The following PRKCA variants were observed in gnomAD, a reference collection of about 807,000 sequenced individuals.
The protein encoded by PRKCA is protein kinase C alpha, also known as protein kinase C alpha type.
In PRKCA, 27 loss-of-function variants were observed where a neutral mutation model predicts 87.0. That is an observed-to-expected ratio of 0.31 (90% CI 0.23 to 0.43). The LOEUF is 0.43. PRKCA is among the 20% of genes least tolerant of loss of function. PRKCA has a pLI of 1.00. For synonymous variants in PRKCA, 329 were observed against 311.1 expected (o/e 1.06, Z -0.61); for missense variants, 518 against 852.3 (o/e 0.61, Z 4.88).
chr17:66,343,704 A>T (rs1348386965), intron 2 of PRKCA, among the ~76,000 whole-genome samples: 1 of 152,028 alleles, frequency 6.6e-6, no homozygotes, highest in East Asian at 1.9e-4. Context: ...GGAAGATTAG[A>T]TATAAAGGGG....
intron 3 of PRKCA, among the ~76,000 whole-genome samples, chr17:66,541,367 G>A (rs1344605527): frequency 2.6e-5 from 4 of 152,126 alleles, no homozygotes; most frequent in Admixed American, 6.5e-5. Flanking sequence ...ACCTTTGCCC[G>A]AGCCAAGGGA....
chr17:66,504,090 C>T (rs903702956), intron 3 of PRKCA, among the ~76,000 whole-genome samples: 6 of 152,122 alleles, frequency 3.9e-5, no homozygotes, highest in African/African-American at 9.7e-5. Flanking sequence ...TGTTTTCTTA[C>T]GTATAAATAT....
chr17:66,805,098 C>T lies in PRKCA; in HGVS notation c.*1061C>T. On this transcript the variant is annotated 3_prime_UTR_variant, in exon 17 of 17. Transcript: ENST00000413366. ...TCAGCCTCTACCGATTGATTTTCCT[C>T]CCTTCTCTAGCCCTGGATGTCCACT... 1 of 984,034 alleles carries T rather than the reference C, an allele frequency of 1.0e-6. No homozygotes were observed. The highest frequency in any genetic ancestry group is 1.2e-6 in the Non-Finnish European group (1 of 828,656). 61.0% of individuals were successfully genotyped at this position (984,034 alleles called of 1,614,324 possible). A position where few individuals can be genotyped will look rare whatever the true frequency, so the allele number is the denominator to read the frequency against.
chr17:66,660,254 C>A (rs899549270), intron 5 of PRKCA, among the ~76,000 whole-genome samples: 4 of 152,160 alleles, frequency 2.6e-5, no homozygotes, highest in African/African-American at 9.7e-5. Flanking sequence ...GCCAGTGGGT[C>A]CGTTTGGTGG....
At chr17:66,635,034 C>A (rs1449216043) in intron 3 of PRKCA, among the ~76,000 whole-genome samples, 1 of 152,190 alleles carries the variant, frequency 6.6e-6, no homozygotes, top group Admixed American at 6.5e-5. Flanking sequence ...GTATTGACAT[C>A]TGGAGAGACT....
chr17:66,747,843 C>T (rs1974332242), intron 13 of PRKCA, among the ~76,000 whole-genome samples: 1 of 152,202 alleles, frequency 6.6e-6, no homozygotes, highest in South Asian at 2.1e-4. Context: ...ACACGCAAGC[C>T]CCTCCCCAGC....
At chr17:66,338,662 A>G (rs1488644973) in intron 2 of PRKCA, among the ~76,000 whole-genome samples, 1 of 152,144 alleles carries the variant, frequency 6.6e-6, no homozygotes, top group African/African-American at 2.4e-5. Context: ...CAAGTGAACC[A>G]AGATTCTGCA....
At chr17:66,305,095 A>G (rs1488689535) in intron 1 of PRKCA, among the ~76,000 whole-genome samples, 1 of 152,214 alleles carries the variant, frequency 6.6e-6, no homozygotes, top group African/African-American at 2.4e-5. Flanking sequence ...GGATCCCTGC[A>G]GCACTCTGCA....
At chr17:66,333,485 G>A (rs1179387413) in intron 2 of PRKCA, among the ~76,000 whole-genome samples, 1 of 152,162 alleles carries the variant, frequency 6.6e-6, no homozygotes, top group African/African-American at 2.4e-5. Flanking sequence ...TGAAGCACAT[G>A]TTTGTATGCT....
At chr17:66,522,788 T>G (rs1422586414) in intron 3 of PRKCA, among the ~76,000 whole-genome samples, 1 of 149,962 alleles carries the variant, frequency 6.7e-6, no homozygotes, top group Non-Finnish European at 1.5e-5. Flanking sequence ...GGCTGATGTG[T>G]AGTATGTGTG....
At chr17:66,554,552 CT>C in intron 3 of PRKCA, 1 of 965,410 alleles carries the variant, frequency 1.0e-6, no homozygotes, top group Non-Finnish European at 1.2e-6. Context: ...CTGCCTCTAC[CT>C]TTTGAGATCC....
intron 2 of PRKCA, among the ~76,000 whole-genome samples, chr17:66,370,048 G>A (rs1244292475): frequency 6.6e-6 from 1 of 152,036 alleles, no homozygotes; most frequent in Admixed American, 6.6e-5. Flanking sequence ...ATTAAGCTGG[G>A]ACAACAGTCA....
At chr17:66,560,399 T>C (rs1968641421) in intron 3 of PRKCA, among the ~76,000 whole-genome samples, 2 of 152,304 alleles carry the variant, frequency 1.3e-5, no homozygotes, top group African/African-American at 2.4e-5. Flanking sequence ...GTATTGCTGG[T>C]CAGGAAAGCA....
intron 3 of PRKCA, among the ~76,000 whole-genome samples, chr17:66,536,296 C>G (rs1421132546): frequency 6.6e-6 from 1 of 152,184 alleles, no homozygotes; most frequent in African/African-American, 2.4e-5. Context: ...CTGAACTTTA[C>G]TCTGTCCGGT....
At chr17:66,561,009 T>C (rs1161325166) in intron 3 of PRKCA, among the ~76,000 whole-genome samples, 4 of 152,170 alleles carry the variant, frequency 2.6e-5, no homozygotes, top group Non-Finnish European at 1.5e-5. Context: ...CATTTAAATA[T>C]GAATTCAGCT....
chr17:66,417,822 A>G (rs1288113981), intron 2 of PRKCA, among the ~76,000 whole-genome samples: 4 of 152,196 alleles, frequency 2.6e-5, no homozygotes, highest in African/African-American at 9.6e-5. Flanking sequence ...ATGGCAAAAA[A>G]GAGTCCTAGA....
chr17:66,305,493 C>T (rs1431512322), intron 1 of PRKCA, among the ~76,000 whole-genome samples: 2 of 152,186 alleles, frequency 1.3e-5, no homozygotes, highest in Admixed American at 1.3e-4. Context: ...AATAGCCTCC[C>T]TATGTGCTTT....
chr17:66,565,921 C>A (rs1268744179), intron 3 of PRKCA, among the ~76,000 whole-genome samples: 2 of 151,962 alleles, frequency 1.3e-5, no homozygotes, highest in Admixed American at 6.6e-5. Flanking sequence ...CTACCACAGC[C>A]CTAGTCCTCA....
chr17:66,667,628 A>G (rs1490438425), intron 5 of PRKCA, among the ~76,000 whole-genome samples: 1 of 152,212 alleles, frequency 6.6e-6, no homozygotes, highest in Non-Finnish European at 1.5e-5. Flanking sequence ...GGGTGCAGAC[A>G]CAGGGCCAAA....
Sources: allele counts gnomAD v4.1 joint callset (sites outside exome capture counted in the v4.1 genomes callset), GRCh38; gene constraint gnomAD v4.1.1; transcripts MANE v1.5; gene names NCBI Gene and HGNC (gene_info 2026-07-23, HGNC 2026-07-21).